The following CAB39 variants were observed in gnomAD, a reference collection of about 807,000 sequenced individuals.
The protein encoded by CAB39 is calcium-binding protein 39.
In CAB39, 8 loss-of-function variants were observed where a neutral mutation model predicts 40.0. The observed-to-expected ratio is 0.20, with a 90% CI of 0.12 to 0.36. CAB39 has a LOEUF of 0.36. Among genes scored for constraint, CAB39 ranks in the 10% least tolerant of loss-of-function variants. The pLI is 1.00. For missense variants in CAB39, 270 were observed against 401.1 expected (o/e 0.67, Z 2.79); for synonymous variants, 156 against 141.6 (o/e 1.10, Z -0.72).
chr2:230,784,828 G>A (rs1311045399), intron 2 of CAB39, among the ~76,000 whole-genome samples: 1 of 152,178 alleles, frequency 6.6e-6, no homozygotes, highest in African/African-American at 2.4e-5. Flanking sequence ...CTGGCCACGA[G>A]AGCACACCGA....
intron 2 of CAB39, among the ~76,000 whole-genome samples, chr2:230,764,520 T>TA (rs1465916879): frequency 6.6e-6 from 1 of 152,224 alleles, no homozygotes; most frequent in African/African-American, 2.4e-5. Flanking sequence ...ATCACTGACA[T>TA]ATACAGATCT....
chr2:230,816,130 A>G (rs897263901), intron 7 of CAB39, among the ~76,000 whole-genome samples: 4 of 152,290 alleles, frequency 2.6e-5, no homozygotes, highest in African/African-American at 4.8e-5. Flanking sequence ...TTAATTAGCC[A>G]GGTGTGGTGG....
At chr2:230,780,505 C>T (rs936855237) in intron 2 of CAB39, among the ~76,000 whole-genome samples, 2 of 152,198 alleles carry the variant, frequency 1.3e-5, no homozygotes, top group African/African-American at 4.8e-5. Flanking sequence ...TAATCTGAAA[C>T]AGTTCCTCAG....
At chr2:230,719,305 C>T (rs922461967) in intron 1 of CAB39, among the ~76,000 whole-genome samples, 1 of 152,104 alleles carries the variant, frequency 6.6e-6, no homozygotes, top group Non-Finnish European at 1.5e-5. Context: ...CACAGTTGAG[C>T]CAGAATTTGA....
chr2:230,779,726 G>C (rs372223285), intron 2 of CAB39, among the ~76,000 whole-genome samples: 15 of 152,170 alleles, frequency 9.9e-5, no homozygotes, highest in African/African-American at 3.4e-4. Flanking sequence ...GAATGTGTTA[G>C]GGAGATGAGA....
chr2:230,741,737 T>G (rs986632126), intron 1 of CAB39, among the ~76,000 whole-genome samples: 22 of 152,202 alleles, frequency 1.4e-4, no homozygotes, highest in Middle Eastern at 3.2e-3. Context: ...AGCTATAATT[T>G]TGAACAATAT....
intron 7 of CAB39, 88 bp from the exon 8 acceptor site, chr2:230,817,666 C>T: frequency 9.4e-7 from 1 of 1,064,568 alleles, no homozygotes; most frequent in Non-Finnish European, 1.3e-6. Flanking sequence ...ATACTCTATA[C>T]TTGATGATTA....
At chr2:230,784,954 A>C (rs1575945313) in intron 2 of CAB39, among the ~76,000 whole-genome samples, 1 of 152,202 alleles carries the variant, frequency 6.6e-6, no homozygotes, top group African/African-American at 2.4e-5. Flanking sequence ...CTATTAGTTT[A>C]AAACTTTCTT....
chr2:230,727,402 T>TGTGTGTA (rs1559589592), intron 1 of CAB39, among the ~76,000 whole-genome samples: 11 of 105,418 alleles, frequency 1.0e-4, no homozygotes, highest in African/African-American at 5.9e-4. Context: ...GTGTGTGTAT[T>TGTGTGTA]TTTTTTTCTT....
In CAB39 at chr2:230,819,755, A is replaced by G. The variant is rs536917387; in HGVS notation, c.*1051A>G. 7 of 152,422 alleles carry G rather than the reference A, an allele frequency of 4.6e-5. No homozygotes were observed. Among genetic ancestry groups the G allele is most frequent in the Non-Finnish European group, 1.0e-4 (7 of 68,036 alleles). The allele number at this position is 152,422 out of a possible 1,614,324, so 9.4% of individuals were successfully genotyped here. A position where few individuals can be genotyped will look rare whatever the true frequency, so the allele number is the denominator to read the frequency against. Reference sequence around the variant, plus strand: ...ATACAGCCCTGGAGCTCAGTCAGCCACACCTTCCTGCATCCTATTGGCCTT... The same window carrying G: ...ATACAGCCCTGGAGCTCAGTCAGCCGCACCTTCCTGCATCCTATTGGCCTT... On this transcript the variant is annotated 3_prime_UTR_variant, in exon 9 of 9. Transcript: ENST00000258418.
At chr2:230,773,497 C>T (rs1208532630) in intron 2 of CAB39, among the ~76,000 whole-genome samples, 2 of 152,016 alleles carry the variant, frequency 1.3e-5, no homozygotes, top group Non-Finnish European at 2.9e-5. Flanking sequence ...GGCTAGATTG[C>T]AATACTTGAA....
At chr2:230,743,334 A>C (rs1472002630) in intron 1 of CAB39, among the ~76,000 whole-genome samples, 1 of 152,180 alleles carries the variant, frequency 6.6e-6, no homozygotes, top group African/African-American at 2.4e-5. Context: ...TAAGACCCCC[A>C]AAGACGAGTC....
intron 1 of CAB39, among the ~76,000 whole-genome samples, chr2:230,742,407 C>A (rs1319462412): frequency 6.6e-6 from 1 of 152,126 alleles, no homozygotes; most frequent in African/African-American, 2.4e-5. Context: ...GATCTCCTGA[C>A]CTCGTGATTC....
intron 2 of CAB39, among the ~76,000 whole-genome samples, chr2:230,763,811 G>A (rs981198001): frequency 6.6e-6 from 1 of 152,038 alleles, no homozygotes. Context: ...TTTATAACAT[G>A]TTTTGGTTGT....
At chr2:230,781,905 C>T (rs962449717) in intron 2 of CAB39, among the ~76,000 whole-genome samples, 11 of 152,194 alleles carry the variant, frequency 7.2e-5, no homozygotes, top group African/African-American at 2.4e-4. Context: ...CGCTCTGTCA[C>T]CCAGGCTGGA....
At chr2:230,767,733 C>T (rs1048128643) in intron 2 of CAB39, among the ~76,000 whole-genome samples, 3 of 152,150 alleles carry the variant, frequency 2.0e-5, no homozygotes, top group African/African-American at 7.2e-5. Flanking sequence ...AGCAATGAGG[C>T]CCATGACTTT....
chr2:230,734,955 T>A (rs902477208), intron 1 of CAB39, among the ~76,000 whole-genome samples: 2 of 152,198 alleles, frequency 1.3e-5, no homozygotes, highest in Non-Finnish European at 2.9e-5. Flanking sequence ...GTGTTTTCTG[T>A]TGAATCATAG....
intron 1 of CAB39, among the ~76,000 whole-genome samples, chr2:230,736,448 T>C (rs1694790224): frequency 1.3e-5 from 2 of 152,190 alleles, no homozygotes; most frequent in African/African-American, 4.8e-5. Flanking sequence ...ATGGAAAAAG[T>C]GGAGAGATGA....
chr2:230,744,931 T>G (rs1289100699), intron 1 of CAB39, among the ~76,000 whole-genome samples: 1 of 152,240 alleles, frequency 6.6e-6, no homozygotes, highest in Non-Finnish European at 1.5e-5. Context: ...GCCCACTCTT[T>G]TCTCTAAGCA....
Sources: allele counts gnomAD v4.1 joint callset (sites outside exome capture counted in the v4.1 genomes callset), GRCh38; gene constraint gnomAD v4.1.1; transcripts MANE v1.5; gene names NCBI Gene and HGNC (gene_info 2026-07-23, HGNC 2026-07-21).